LRRC4C: variants seen among roughly 807,000 people sequenced by gnomAD.
LRRC4C encodes leucine rich repeat containing 4C, also known as leucine-rich repeat-containing protein 4C.
Under a neutral mutation model 33.6 loss-of-function variants are expected in LRRC4C, and 5 were observed. The ratio of observed to expected loss-of-function variants is 0.15; its 90% CI spans 0.08 to 0.31. LRRC4C has a LOEUF of 0.31. Among genes scored for constraint, LRRC4C ranks in the 10% least tolerant of loss-of-function variants. The pLI, the probability that LRRC4C is intolerant of heterozygous loss-of-function variation, is 1.00. For missense variants in LRRC4C, 560 were observed against 796.7 expected (o/e 0.70, Z 3.58); for synonymous variants, 329 against 302.0 (o/e 1.09, Z -0.93).
chr11:40,480,107 A>C (rs1269323364), intron 3 of LRRC4C, among the ~76,000 whole-genome samples: 1 of 152,178 alleles, frequency 6.6e-6, no homozygotes, highest in Non-Finnish European at 1.5e-5. Context: ...GCCACCCTCC[A>C]TAAAACAGAG....
chr11:40,757,761 T>C (rs1949022755), intron 2 of LRRC4C, among the ~76,000 whole-genome samples: 1 of 151,988 alleles, frequency 6.6e-6, no homozygotes, highest in Non-Finnish European at 1.5e-5. Context: ...TCTTGCAATT[T>C]GCAGAGAAGT....
chr11:41,456,457 G>A (rs1363295694), intron 1 of LRRC4C, among the ~76,000 whole-genome samples: 1 of 151,854 alleles, frequency 6.6e-6, no homozygotes, highest in African/African-American at 2.4e-5. Context: ...CTATTCATGT[G>A]TTAAGTACCC....
chr11:41,245,108 G>A (rs1048076554), intron 1 of LRRC4C, among the ~76,000 whole-genome samples: 1 of 152,140 alleles, frequency 6.6e-6, no homozygotes, highest in Admixed American at 6.5e-5. Context: ...TTTCTTATCT[G>A]TAAAATAAGA....
intron 3 of LRRC4C, among the ~76,000 whole-genome samples, chr11:40,332,522 C>T (rs1946408805): frequency 1.3e-5 from 2 of 152,304 alleles, no homozygotes; most frequent in South Asian, 2.1e-4. Context: ...CTTTAACATA[C>T]ATTTTTTGAA....
At chr11:40,368,644 C>T (rs373520659) in intron 3 of LRRC4C, among the ~76,000 whole-genome samples, 80 of 152,198 alleles carry the variant, frequency 5.3e-4, no homozygotes, top group Non-Finnish European at 1.0e-3. Flanking sequence ...AAAGCATTTC[C>T]TGGTATTTTC....
chr11:40,287,724 A>C (rs749385657), intron 4 of LRRC4C, among the ~76,000 whole-genome samples: 2 of 152,214 alleles, frequency 1.3e-5, no homozygotes, highest in Non-Finnish European at 2.9e-5. Context: ...ATTATAAAGT[A>C]TGTGACATTC....
At chr11:40,500,684 C>T (rs959018741) in intron 3 of LRRC4C, among the ~76,000 whole-genome samples, 2 of 152,062 alleles carry the variant, frequency 1.3e-5, no homozygotes, top group African/African-American at 4.8e-5. Flanking sequence ...TTATCTCCCA[C>T]CAGGTCCCTT....
At chr11:41,083,858 AAAT>A (rs1369789810) in intron 1 of LRRC4C, among the ~76,000 whole-genome samples, 5 of 152,176 alleles carry the variant, frequency 3.3e-5, no homozygotes, top group Admixed American at 2.0e-4. Context: ...CAATTGAGAG[AAAT>A]AATAAGTACT....
intron 1 of LRRC4C, among the ~76,000 whole-genome samples, chr11:41,089,100 T>C (rs1028309649): frequency 6.6e-6 from 1 of 151,918 alleles, no homozygotes; most frequent in African/African-American, 2.4e-5. Flanking sequence ...GTATTATATC[T>C]CAGAAAATAA....
chr11:40,653,129 T>C (rs1942904174), intron 2 of LRRC4C, among the ~76,000 whole-genome samples: 1 of 152,228 alleles, frequency 6.6e-6, no homozygotes, highest in African/African-American at 2.4e-5. Flanking sequence ...CAGTTCTTCA[T>C]AGCAGGCTGA....
intron 5 of LRRC4C, among the ~76,000 whole-genome samples, chr11:40,178,520 T>C (rs189249990): frequency 5.9e-5 from 9 of 152,338 alleles, no homozygotes; most frequent in African/African-American, 1.7e-4. Context: ...GGATTAATTA[T>C]TTCATTCTTA....
At chr11:40,728,621 G>A (rs1204937545) in intron 2 of LRRC4C, among the ~76,000 whole-genome samples, 14 of 90,708 alleles carry the variant, frequency 1.5e-4, no homozygotes, top group Admixed American at 4.2e-4. Flanking sequence ...GTCAGACTCC[G>A]TCTCAAAAAA....
intron 3 of LRRC4C, among the ~76,000 whole-genome samples, chr11:40,552,869 C>T (rs1565498065): frequency 6.6e-6 from 1 of 152,082 alleles, no homozygotes; most frequent in African/African-American, 2.4e-5. Flanking sequence ...ATGTGCCAGC[C>T]AACAAAGCTT....
intron 3 of LRRC4C, among the ~76,000 whole-genome samples, chr11:40,471,406 C>A (rs942503397): frequency 6.6e-6 from 1 of 152,068 alleles, no homozygotes. Context: ...TGTAAAGGAA[C>A]AACTGGTACC....
intron 2 of LRRC4C, among the ~76,000 whole-genome samples, chr11:40,677,541 T>C (rs1458724108): frequency 1.3e-5 from 2 of 152,178 alleles, no homozygotes; most frequent in Non-Finnish European, 2.9e-5. Context: ...TGATTATGTA[T>C]AGATACAGTA....
intron 3 of LRRC4C, among the ~76,000 whole-genome samples, chr11:40,549,789 C>T (rs1339083539): frequency 6.6e-6 from 1 of 151,996 alleles, no homozygotes; most frequent in Non-Finnish European, 1.5e-5. Context: ...AAAATACATA[C>T]AGTGAAAGGG....
chr11:40,866,311 A>C (rs1265717882), intron 2 of LRRC4C, among the ~76,000 whole-genome samples: 1 of 152,140 alleles, frequency 6.6e-6, no homozygotes, highest in Non-Finnish European at 1.5e-5. Context: ...TTAACAACCC[A>C]AAAAGGTCAG....
chr11:40,133,493 A>G (rs536322371), intron 6 of LRRC4C, among the ~76,000 whole-genome samples: 1 of 152,324 alleles, frequency 6.6e-6, no homozygotes, highest in South Asian at 2.1e-4. Flanking sequence ...GATTTATTTT[A>G]TAGTAGAGTG....
intron 1 of LRRC4C, among the ~76,000 whole-genome samples, chr11:41,312,881 G>T: frequency 6.6e-6 from 1 of 152,132 alleles, no homozygotes; most frequent in East Asian, 1.9e-4. Context: ...GGTTTTGTTG[G>T]CAGTATACAT....
Sources: gnomAD v4.1 joint callset for allele counts (sites outside exome capture counted in the v4.1 genomes callset) on GRCh38, gnomAD v4.1.1 for gene constraint, MANE v1.5 for transcripts, NCBI Gene and HGNC (gene_info 2026-07-23, HGNC 2026-07-21) for gene names.